The following TGFB2 variants were observed in gnomAD, a reference collection of about 807,000 sequenced individuals.
TGFB2 encodes transforming growth factor beta-2 proprotein.
Under a neutral mutation model 42.7 loss-of-function variants are expected in TGFB2, and 13 were observed. The ratio of observed to expected loss-of-function variants is 0.30; its 90% confidence interval spans 0.20 to 0.48. The LOEUF (loss-of-function observed/expected upper bound fraction) is 0.48. Among genes scored for constraint, TGFB2 ranks in the 20% least tolerant of loss-of-function variants. The pLI is 0.99. For synonymous variants in TGFB2, 193 were observed against 193.6 expected (o/e 1.00, Z 0.03); for missense variants, 390 against 517.5 (o/e 0.75, Z 2.39).
intron 1 of TGFB2, among the ~76,000 whole-genome samples, chr1:218,376,364 G>A (rs774115991): frequency 1.3e-5 from 2 of 152,148 alleles, no homozygotes; most frequent in Non-Finnish European, 2.9e-5. Context: ...TGCCTGGATG[G>A]TTCCTGAAAA....
chr1:218,364,945 T>C lies in TGFB2; in HGVS notation c.346+17898T>C, dbSNP rs147355344. ...TCAACCAAGGAGTTAAACATCTGAT[T>C]TTTTCCCCCTAGCTAACTGGCTATT... On this transcript the variant is annotated intron_variant, in intron 1 of 6. Transcript: ENST00000366930. 2.6e-4 allele frequency among the ~76,000 whole-genome samples: 40 copies of C among 152,292 alleles called. No homozygotes were observed. In the East Asian group the frequency reaches 7.3e-3, roughly 28 times the overall value.
At chr1:218,420,033 G>A (rs368459211) in intron 2 of TGFB2, among the ~76,000 whole-genome samples, 1 of 152,192 alleles carries the variant, frequency 6.6e-6, no homozygotes, top group African/African-American at 2.4e-5. Flanking sequence ...GTGCCAGGAG[G>A]TAGGAATCAA....
At chr1:218,413,060 C>G (rs1486116102) in intron 2 of TGFB2, among the ~76,000 whole-genome samples, 1 of 152,166 alleles carries the variant, frequency 6.6e-6, no homozygotes, top group Non-Finnish European at 1.5e-5. Context: ...AAGGCAGAAG[C>G]TGCAAGTCCT....
Position 218,441,377 on chromosome 1 carries a change from T to C in TGFB2, c.*15T>C, listed in dbSNP as rs1057520937. 24 of 1,595,240 alleles carry C rather than the reference T, an allele frequency of 1.5e-5. No individual in the cohort carries two copies. Among genetic ancestry groups the C allele is most frequent in the Non-Finnish European group, 2.0e-5 (24 of 1,174,424 alleles). On this transcript the variant is annotated 3_prime_UTR_variant, in exon 7 of 7. Coordinates refer to ENST00000366930, the MANE Select transcript of TGFB2 (RefSeq NM_003238.6). Reference sequence around the variant, plus strand: ...AATGCAGCTAAAATTCTTGGAAAAGTGGCAAGACCAAAATGACAATGATGA... The same window carrying C: ...AATGCAGCTAAAATTCTTGGAAAAGCGGCAAGACCAAAATGACAATGATGA...
At chr1:218,360,327 T>G (rs547770417) in intron 1 of TGFB2, among the ~76,000 whole-genome samples, 1 of 152,372 alleles carries the variant, frequency 6.6e-6, no homozygotes, top group East Asian at 1.9e-4. Flanking sequence ...GTTAATTAAC[T>G]TCCTAGTCAT....
chr1:218,425,309 G>A (rs1253057595), intron 2 of TGFB2, among the ~76,000 whole-genome samples: 3 of 152,048 alleles, frequency 2.0e-5, no homozygotes, highest in Admixed American at 6.5e-5. Flanking sequence ...CTGGGTTCAC[G>A]CCATTCTCCT....
chr1:218,410,781 C>T (rs1268096118), intron 2 of TGFB2, among the ~76,000 whole-genome samples: 1 of 152,178 alleles, frequency 6.6e-6, no homozygotes, highest in Non-Finnish European at 1.5e-5. Flanking sequence ...TAGCTCTCAG[C>T]CCATTTGTAA....
chr1:218,440,461 G>A (rs1328986819), intron 6 of TGFB2, among the ~76,000 whole-genome samples: 1 of 151,764 alleles, frequency 6.6e-6, no homozygotes, highest in Non-Finnish European at 1.5e-5. Flanking sequence ...ACAGGGTCTG[G>A]GTCTGTTGTC....
chr1:218,352,558 C>A (rs1052241631), intron 1 of TGFB2, among the ~76,000 whole-genome samples: 1 of 152,184 alleles, frequency 6.6e-6, no homozygotes, highest in Admixed American at 6.5e-5. Context: ...TTGCTTCTGT[C>A]ATTTGTTTGG....
At chr1:218,408,311 A>C (rs1404929250) in intron 2 of TGFB2, among the ~76,000 whole-genome samples, 2 of 151,996 alleles carry the variant, frequency 1.3e-5, no homozygotes, top group African/African-American at 2.4e-5. Flanking sequence ...GACCTTAGTG[A>C]GTTCTTGGTA....
chr1:218,414,999 T>C (rs918897650), intron 2 of TGFB2, among the ~76,000 whole-genome samples: 2 of 152,072 alleles, frequency 1.3e-5, no homozygotes, highest in African/African-American at 4.8e-5. Context: ...AACACAGATT[T>C]TGGAGTTGAT....
At chr1:218,416,706 C>G (rs542981374) in intron 2 of TGFB2, among the ~76,000 whole-genome samples, 2 of 152,262 alleles carry the variant, frequency 1.3e-5, no homozygotes, top group East Asian at 1.9e-4. Context: ...CACCCTGGCC[C>G]CTTGATATGG....
intron 1 of TGFB2, among the ~76,000 whole-genome samples, chr1:218,371,220 G>T (rs1156785966): frequency 1.3e-5 from 2 of 152,170 alleles, no homozygotes; most frequent in African/African-American, 4.8e-5. Context: ...AGGGTCACTT[G>T]ATCCCGGGAG....
At chr1:218,393,639 G>C (rs1658391196) in intron 1 of TGFB2, among the ~76,000 whole-genome samples, 1 of 152,130 alleles carries the variant, frequency 6.6e-6, no homozygotes, top group African/African-American at 2.4e-5. Context: ...GTGAGAAAAA[G>C]AGGAGAGAAA....
intron 2 of TGFB2, among the ~76,000 whole-genome samples, chr1:218,415,511 A>G (rs1659245573): frequency 6.6e-6 from 1 of 151,936 alleles, no homozygotes; most frequent in South Asian, 2.1e-4. Flanking sequence ...CCTGGCTAAC[A>G]TGGTGAAACC....
intron 1 of TGFB2, among the ~76,000 whole-genome samples, chr1:218,373,385 G>A (rs1185765068): frequency 6.6e-6 from 1 of 151,676 alleles, no homozygotes; most frequent in Non-Finnish European, 1.5e-5. Context: ...ATAACAATAT[G>A]ATTAGTAATA....
chr1:218,437,553 A>C, intron 6 of TGFB2, 57 bp downstream of exon 6: 1 of 1,516,446 alleles, frequency 6.6e-7, no homozygotes, highest in Non-Finnish European at 8.9e-7. Context: ...GCACCTGCTG[A>C]TAGTATTTCC....
rs1658868131 is a variant in TGFB2 at position 218,405,197 on chromosome 1, C to G, written c.375C>G (p.Pro125=). 6.2e-7 allele frequency: 1 copy of G among 1,606,934 alleles called. No individual in the cohort carries two copies. The highest frequency in any genetic ancestry group is 8.5e-7 in the Non-Finnish European group (1 of 1,174,408). The change falls in exon 2 of 7, where the codon CCC becomes CCG. Residue 125 remains proline (P), a synonymous_variant. Coordinates refer to ENST00000366930, the MANE Select transcript of TGFB2 (RefSeq NM_003238.6). ...CCATCCCGCCCACTTTCTACAGACC[C>G]TACTTCAGAATTGTTCGATTTGACG... ...ENAIPPTFYR[P]YFRIVRFDVS...
chr1:218,407,290 GC>G (rs1478833558), intron 2 of TGFB2, among the ~76,000 whole-genome samples: 1 of 152,084 alleles, frequency 6.6e-6, no homozygotes, highest in Non-Finnish European at 1.5e-5. Flanking sequence ...TGTTGCCAAG[GC>G]TGGTCTCTTA....
Sources: gnomAD v4.1 joint callset for allele counts (sites outside exome capture counted in the v4.1 genomes callset) on GRCh38, gnomAD v4.1.1 for gene constraint, MANE v1.5 for transcripts, NCBI Gene and HGNC (gene_info 2026-07-23, HGNC 2026-07-21) for gene names.